The following DSN1 variants were observed in gnomAD, a reference collection of about 807,000 sequenced individuals.
DSN1 encodes DSN1 component of MIS12 kinetochore complex.
In DSN1, 31 loss-of-function variants were observed where a neutral mutation model predicts 45.7. That is an observed-to-expected ratio of 0.68 (90% CI 0.51 to 0.92). The LOEUF (loss-of-function observed/expected upper bound fraction) is 0.92. Ranked by LOEUF, DSN1 falls within the 40% of genes least tolerant of loss-of-function variation. The pLI, the probability that DSN1 is intolerant of heterozygous loss-of-function variation, is 0.00. For missense variants in DSN1, 394 were observed against 414.2 expected, an observed-to-expected ratio of 0.95 and a Z score of 0.42; for synonymous variants, 134 against 142.3, an observed-to-expected ratio of 0.94 and a Z score of 0.41.
rs1276159515 is a variant in DSN1 at position 36,752,846 on chromosome 20, T to C, written c.1013A>G (p.Lys338Arg). Reference sequence around the variant, plus strand: ...GGCAGGTGGGTTCTGTAGCTGAAGCTTCAACAGTTTTCGAGCTGGTGAGGG... The same window carrying C: ...GGCAGGTGGGTTCTGTAGCTGAAGCCTCAACAGTTTTCGAGCTGGTGAGGG... Reference protein sequence around the residue: ...LDPSPARKLLKLQLQNPPAIH... With the variant: ...LDPSPARKLLRLQLQNPPAIH... Residue 338 changes from lysine (K) to arginine (R), a missense_variant, in exon 11 of 11, where the codon AAG becomes AGG. Physicochemically the swap from Lys to Arg is conservative, Grantham distance 26 (BLOSUM62 2). Transcript: ENST00000373750. The C allele has an allele frequency of 1.2e-6, 2 of 1,614,104 alleles. No homozygotes were observed. The highest frequency in any genetic ancestry group is 2.7e-5 in the African/African-American group (2 of 74,940).
At chr20:36,769,085 C>T (rs1987502966) in intron 3 of DSN1, among the ~76,000 whole-genome samples, 1 of 152,178 alleles carries the variant, frequency 6.6e-6, no homozygotes, top group African/African-American at 2.4e-5. Context: ...TGCCCAAGGT[C>T]ATAGAGTGAG....
chr20:36,758,130 G>A lies in DSN1; in HGVS notation c.682C>T (p.Leu228Phe). 2 of 1,614,058 alleles carry A rather than the reference G, an allele frequency of 1.2e-6. No homozygotes were observed. Among genetic ancestry groups the A allele is most frequent in the Non-Finnish European group, 1.7e-6 (2 of 1,179,986 alleles). The change falls in exon 8 of 11, where the codon CTC (leucine) becomes TTC (phenylalanine). Residue 228 changes from leucine to phenylalanine, a missense_variant. Physicochemically the swap from Leu to Phe is conservative, Grantham distance 22 (BLOSUM62 0). Transcript: ENST00000373750. The stretch of plus-strand genomic sequence containing the variant: ...GCCTCCTGCTGGTAGTGAAGCAAGA[G>A]CTGATCCCAAGTCTGACGTTCTAAA... ...FSLERQTWDQ[L>F]LLHYQQEAKE...
intron 9 of DSN1, among the ~76,000 whole-genome samples, chr20:36,755,450 C>CAAGG (rs1986617654): frequency 6.6e-6 from 1 of 152,044 alleles, no homozygotes; most frequent in Admixed American, 6.6e-5. Context: ...TATAAAATAG[C>CAAGG]AACCCACCAA....
intron 9 of DSN1, 82 bp from the exon 10 acceptor site, chr20:36,754,932 C>T: frequency 1.6e-6 from 2 of 1,214,788 alleles, no homozygotes; most frequent in Middle Eastern, 2.1e-4. Context: ...AGCTCTTGCT[C>T]AGGAGCTCTG....
chr20:36,767,954 T>C lies in DSN1; in HGVS notation c.429+15A>G. ...TAACAAACACAAAAACATTTCCTAG[T>C]TATAAGAACCTTACCTGGAAACTGG... On this transcript the variant is annotated intron_variant, in intron 4 of 10. Coordinates refer to ENST00000373750, the MANE Select transcript of DSN1 (RefSeq NM_001145315.2). 6.2e-7 allele frequency: 1 copy of C among 1,613,344 alleles called. No homozygotes were observed. Among genetic ancestry groups the C allele is most frequent in the Non-Finnish European group, 8.5e-7 (1 of 1,179,590 alleles).
At position 36,758,097 on chromosome 20, in the gene DSN1, T is replaced by C. The variant is rs1247846852; in HGVS notation, c.715A>G (p.Ile239Val). Residue 239 changes from isoleucine (I) to valine (V), a missense_variant, in exon 8 of 11, where the codon ATA becomes GTA. Transcript: ENST00000373750. The part of the protein sequence containing the change: ...LLHYQQEAKE[I>V]LSRGSTEAKI... ...GTTCATAGATCTAACCTGGACAATATCTCTTTAGCCTCCTGCTGGTAGTGA... is the reference window on the plus strand; with the variant it reads ...GTTCATAGATCTAACCTGGACAATACCTCTTTAGCCTCCTGCTGGTAGTGA... 2.5e-6 allele frequency: 4 copies of C among 1,613,836 alleles called. No homozygotes were observed. The highest frequency in any genetic ancestry group is 1.3e-5 in the African/African-American group (1 of 74,924).
chr20:36,753,875 G>A (rs1416760435), intron 10 of DSN1, among the ~76,000 whole-genome samples: 1 of 150,688 alleles, frequency 6.6e-6, no homozygotes, highest in East Asian at 2.0e-4. Context: ...GCATGGTGGA[G>A]CATGCCTGTA....
chr20:36,761,643 C>T (rs1473512206), intron 6 of DSN1, among the ~76,000 whole-genome samples: 1 of 151,212 alleles, frequency 6.6e-6, no homozygotes, highest in Non-Finnish European at 1.5e-5. Context: ...GGCAGATCAC[C>T]TGAGGTTAGG....
At chr20:36,763,277 C>T (rs1987102516) in intron 5 of DSN1, among the ~76,000 whole-genome samples, 2 of 151,706 alleles carry the variant, frequency 1.3e-5, no homozygotes, top group South Asian at 2.1e-4. Flanking sequence ...TGGTGGTACA[C>T]GCCTGTAATC....
chr20:36,770,562 AT>A (rs1987590408), intron 3 of DSN1, among the ~76,000 whole-genome samples: 1 of 152,178 alleles, frequency 6.6e-6, no homozygotes, highest in South Asian at 2.1e-4. Context: ...AGCTAATAAT[AT>A]AATATAAGTA....
intron 1 of DSN1, among the ~76,000 whole-genome samples, 155 bp from the exon 2 acceptor site, chr20:36,771,628 A>T (rs562378747): frequency 8.5e-5 from 13 of 152,088 alleles, no homozygotes; most frequent in African/African-American, 3.1e-4. Context: ...AGGGGCCATC[A>T]CCTCCTCTTC....
intron 7 of DSN1, 91 bp from the exon 8 acceptor site, chr20:36,758,252 T>C: frequency 4.8e-6 from 6 of 1,252,318 alleles, no homozygotes; most frequent in Non-Finnish European, 6.9e-6. Context: ...GTGTACAATC[T>C]GGATGTAAAA....
chr20:36,759,678 T>A (rs1986867327), intron 6 of DSN1, among the ~76,000 whole-genome samples: 1 of 151,088 alleles, frequency 6.6e-6, no homozygotes, highest in Non-Finnish European at 1.5e-5. Context: ...AGAGACGGGG[T>A]TTCACTGTGT....
intron 5 of DSN1, among the ~76,000 whole-genome samples, chr20:36,764,346 T>C (rs1331754712): frequency 6.6e-6 from 1 of 152,144 alleles, no homozygotes; most frequent in African/African-American, 2.4e-5. Context: ...ATCAGGATAA[T>C]CCTAGCATAT....
intron 6 of DSN1, among the ~76,000 whole-genome samples, chr20:36,760,328 C>T (rs1986909704): frequency 6.6e-6 from 1 of 152,150 alleles, no homozygotes; most frequent in South Asian, 2.1e-4. Context: ...CTTAACCTGG[C>T]ACTTAAGGCT....
chr20:36,771,322 T>C (rs1987638393), intron 2 of DSN1, 103 bp downstream of exon 2: 2 of 1,482,504 alleles, frequency 1.3e-6, no homozygotes, highest in Non-Finnish European at 1.8e-6. Context: ...CTGCAAATAA[T>C]GAGTATGTGA....
At position 36,766,638 on chromosome 20, in the gene DSN1, G is replaced by C. The variant is rs913572325; in HGVS notation, c.502+131C>G. On this transcript the variant is annotated intron_variant, in intron 5 of 10. Coordinates refer to ENST00000373750, the MANE Select transcript of DSN1 (RefSeq NM_001145315.2). ...CTACTGCACTCCAGTCTGGGCAAGA[G>C]TGAGACTCTGTCTAAAAAACAAAAG... The C allele has an allele frequency of 1.0e-5, 8 of 799,722 alleles. No homozygotes were observed. The African/African-American group carries it at 1.1e-4, about 11-fold the overall frequency. 49.5% of individuals were successfully genotyped at this position (799,722 alleles called of 1,614,324 possible). A position where few individuals can be genotyped will look rare whatever the true frequency, so the allele number is the denominator to read the frequency against.
At position 36,754,856 on chromosome 20, in the gene DSN1, G is replaced by GA. The variant is rs1313820304; in HGVS notation, c.874-7dup. On this transcript the variant is annotated splice_polypyrimidine_tract_variant and splice_region_variant and intron_variant, in intron 9 of 10. Transcript: ENST00000373750. ...GATCCTTGCAGTTCATCCATCTGTA[G>GA]AAAAAAGACAGCTGTGAGCTGTAAA... 1.9e-6 allele frequency: 3 copies of GA among 1,613,102 alleles called. No homozygotes were observed. Among genetic ancestry groups the GA allele is most frequent in the South Asian group, 1.1e-5 (1 of 91,022 alleles).
intron 8 of DSN1, among the ~76,000 whole-genome samples, chr20:36,757,801 T>TA (rs1293650653): frequency 2.0e-5 from 3 of 152,314 alleles, no homozygotes; most frequent in African/African-American, 7.2e-5. Flanking sequence ...GGCTGCCAGA[T>TA]ACAATGCAGA....
Sources: allele counts gnomAD v4.1 joint callset (sites outside exome capture counted in the v4.1 genomes callset), GRCh38; gene constraint gnomAD v4.1.1; transcripts MANE v1.5; gene names NCBI Gene and HGNC (gene_info 2026-07-23, HGNC 2026-07-21).